Variants in RABGAP1L observed in about 807,000 individuals in gnomAD.
RABGAP1L encodes the protein rab GTPase-activating protein 1-like.
In RABGAP1L, 63 loss-of-function variants were observed where a neutral mutation model predicts 137.7. The observed-to-expected ratio is 0.46, with a 90% confidence interval of 0.37 to 0.56. The LOEUF is 0.56. Among genes scored for constraint, RABGAP1L ranks in the 20% least tolerant of loss-of-function variants. The pLI is 0.00. For missense variants in RABGAP1L, 1,095 were observed against 1,244.0 expected (o/e 0.88, Z 1.80); for synonymous variants, 431 against 433.7 (o/e 0.99, Z 0.08).
rs1669930163 is a variant in RABGAP1L, at chr1:174,969,269, T to C, written c.2434-8T>C. The C allele has an allele frequency of 2.6e-6, 4 of 1,546,218 alleles. No individual in the cohort carries two copies. Among genetic ancestry groups the C allele is most frequent in the Non-Finnish European group, 3.5e-6 (4 of 1,142,862 alleles). On this transcript the variant is annotated splice_polypyrimidine_tract_variant and splice_region_variant and intron_variant, in intron 20 of 25. Transcript: ENST00000681986. ...TAATGCCCACCTCTGGCTATTGTTC[T>C]TCTGCAGAGGGAGAACCGAAGATTA...
At chr1:174,486,407 C>T (rs561784561) in intron 13 of RABGAP1L, among the ~76,000 whole-genome samples, 5 of 149,326 alleles carry the variant, frequency 3.3e-5, no homozygotes, top group South Asian at 2.1e-4. Context: ...AGTGCAGTGG[C>T]GTGATCTCGG....
At chr1:174,746,227 T>C (rs756515834) in intron 17 of RABGAP1L, among the ~76,000 whole-genome samples, 1 of 152,266 alleles carries the variant, frequency 6.6e-6, no homozygotes, top group Non-Finnish European at 1.5e-5. Context: ...AAGAACATCA[T>C]GATCTGCACT....
At chr1:174,267,874 C>G (rs1207323203) in intron 7 of RABGAP1L, among the ~76,000 whole-genome samples, 1 of 152,062 alleles carries the variant, frequency 6.6e-6, no homozygotes, top group Non-Finnish European at 1.5e-5. Context: ...CATAATTTTT[C>G]CTTTTGAAAA....
At chr1:174,805,744 C>G (rs1413800473) in intron 18 of RABGAP1L, among the ~76,000 whole-genome samples, 2 of 152,162 alleles carry the variant, frequency 1.3e-5, no homozygotes, top group East Asian at 3.8e-4. Context: ...TCAAGTGATT[C>G]ACTCTCCTCG....
intron 12 of RABGAP1L, among the ~76,000 whole-genome samples, chr1:174,386,743 A>G (rs992054087): frequency 6.6e-6 from 1 of 151,940 alleles, no homozygotes; most frequent in African/African-American, 2.4e-5. Context: ...TCCTGACCTC[A>G]TGATCTGCCT....
chr1:174,318,191 G>T (rs372263716), intron 11 of RABGAP1L, among the ~76,000 whole-genome samples: 2 of 152,048 alleles, frequency 1.3e-5, no homozygotes, highest in East Asian at 3.9e-4. Context: ...TTGCACAGGG[G>T]ACAATTGGTG....
intron 1 of RABGAP1L, among the ~76,000 whole-genome samples, chr1:174,192,008 T>C (rs894795613): frequency 2.6e-5 from 4 of 152,168 alleles, no homozygotes; most frequent in Non-Finnish European, 5.9e-5. Context: ...GCAGGTGATA[T>C]TGACTTAGTT....
chr1:174,769,034 C>T (rs1685900190), intron 18 of RABGAP1L, among the ~76,000 whole-genome samples: 1 of 152,060 alleles, frequency 6.6e-6, no homozygotes, highest in African/African-American at 2.4e-5. Flanking sequence ...CCACCATTGT[C>T]ACTGTAACCA....
At chr1:174,351,653 C>G (rs940120996) in intron 11 of RABGAP1L, among the ~76,000 whole-genome samples, 2 of 152,038 alleles carry the variant, frequency 1.3e-5, no homozygotes, top group Non-Finnish European at 1.5e-5. Context: ...CAACCTTGAC[C>G]TTTGGGTGTT....
At chr1:174,749,858 A>T (rs1034339960) in intron 17 of RABGAP1L, among the ~76,000 whole-genome samples, 7 of 152,002 alleles carry the variant, frequency 4.6e-5, no homozygotes, top group African/African-American at 1.7e-4. Flanking sequence ...CCATTTCAAA[A>T]TATGTTCAAG....
chr1:174,520,773 C>T (rs528426529), intron 13 of RABGAP1L, among the ~76,000 whole-genome samples: 2 of 152,166 alleles, frequency 1.3e-5, no homozygotes, highest in Admixed American at 1.3e-4. Flanking sequence ...GAGGCTGAGG[C>T]AGGGAGATCA....
Position 174,983,340 on chromosome 1 carries a change from A to G in RABGAP1L, c.2805+435A>G, listed in dbSNP as rs200240178. Among the ~76,000 whole-genome samples, 4 of 152,316 alleles carry G rather than the reference A, an allele frequency of 2.6e-5. No homozygotes were observed. The East Asian group carries it at 7.7e-4, about 29-fold the overall frequency. ...TAGCTGGAAAAACATGTGTTGGGTA[A>G]CTGATTCTTGCACTAAGTTTTTAGA... On this transcript the variant is annotated intron_variant, in intron 24 of 25. Coordinates refer to ENST00000681986, the MANE Select transcript of RABGAP1L (RefSeq NM_001366446.1).
At chr1:174,183,556 G>A (rs1666552356) in intron 1 of RABGAP1L, among the ~76,000 whole-genome samples, 1 of 152,162 alleles carries the variant, frequency 6.6e-6, no homozygotes, top group Non-Finnish European at 1.5e-5. Flanking sequence ...CCCCACTATC[G>A]ACATTCATAC....
At chr1:174,667,808 C>G (rs1676895585) in intron 14 of RABGAP1L, among the ~76,000 whole-genome samples, 1 of 152,188 alleles carries the variant, frequency 6.6e-6, no homozygotes, top group Non-Finnish European at 1.5e-5. Flanking sequence ...TCACTGTGCA[C>G]TATTTCATTG....
intron 13 of RABGAP1L, among the ~76,000 whole-genome samples, chr1:174,536,527 C>T (rs1664904373): frequency 6.6e-6 from 1 of 151,886 alleles, no homozygotes; most frequent in Non-Finnish European, 1.5e-5. Flanking sequence ...AAGAATTATG[C>T]TTTTTTTCCT....
intron 13 of RABGAP1L, among the ~76,000 whole-genome samples, chr1:174,577,203 GA>G (rs1315229420): frequency 3.0e-5 from 4 of 132,426 alleles, no homozygotes; most frequent in African/African-American, 8.8e-5. Context: ...CTGTTAGGGG[GA>G]AAAAATACAC....
At chr1:174,352,859 G>T (rs61828641) in intron 11 of RABGAP1L, among the ~76,000 whole-genome samples, 1 of 152,072 alleles carries the variant, frequency 6.6e-6, no homozygotes, top group Admixed American at 6.5e-5. Context: ...GGTGGTCTTC[G>T]GTAAGATCCA....
intron 13 of RABGAP1L, among the ~76,000 whole-genome samples, chr1:174,524,733 A>G (rs993750525): frequency 1.4e-5 from 2 of 141,588 alleles, no homozygotes; most frequent in Non-Finnish European, 3.0e-5. Context: ...AGTGTTCTGA[A>G]GTAATTTCAC....
intron 19 of RABGAP1L, among the ~76,000 whole-genome samples, chr1:174,937,458 TC>T: frequency 7.3e-6 from 1 of 136,516 alleles, no homozygotes; most frequent in Non-Finnish European, 1.6e-5. Context: ...CTGATTTTTT[TC>T]ATTTTTAGTA....
Sources: gnomAD v4.1 joint callset for allele counts (sites outside exome capture counted in the v4.1 genomes callset) on GRCh38, gnomAD v4.1.1 for gene constraint, MANE v1.5 for transcripts, NCBI Gene and HGNC (gene_info 2026-07-23, HGNC 2026-07-21) for gene names.